The following SV2B variants were observed in gnomAD, a reference collection of about 807,000 sequenced individuals.
SV2B encodes solute carrier family 22 member B2.
Under a neutral mutation model 73.9 loss-of-function variants are expected in SV2B, and 41 were observed. That is an observed-to-expected ratio of 0.56 (90% confidence interval 0.43 to 0.72). The LOEUF (loss-of-function observed/expected upper bound fraction) is 0.72, where lower values mean the gene tolerates loss of function less well. SV2B is among the 30% of genes least tolerant of loss of function. SV2B has a pLI of 0.00. For missense variants in SV2B, 764 were observed against 857.8 expected, an observed-to-expected ratio of 0.89 and a Z score of 1.37; for synonymous variants, 314 against 314.2, an observed-to-expected ratio of 1.00 and a Z score of 0.01.
At chr15:91,103,512 A>G (rs577051898) in intron 1 of SV2B, among the ~76,000 whole-genome samples, 1 of 152,324 alleles carries the variant, frequency 6.6e-6, no homozygotes, top group South Asian at 2.1e-4. Context: ...CATTTACATA[A>G]TATCATATGG....
chr15:91,283,953 C>G lies in SV2B; in HGVS notation c.1508-68C>G, dbSNP rs1013078999. The G allele has an allele frequency of 2.0e-6, 3 of 1,537,798 alleles. No individual in the cohort carries two copies. In the African/African-American group the frequency reaches 4.1e-5, roughly 21 times the overall value. On this transcript the variant is annotated intron_variant, in intron 10 of 12. Transcript: ENST00000394232. The surrounding 1 kb of genome is among the most constrained non-coding windows in gnomAD (Gnocchi z 4.3). The stretch of plus-strand genomic sequence containing the variant: ...CTACAGGAGGGGGCAGACTTCATCC[C>G]TGCCTCTGCCTTTCTCTCTCCAGCT...
At chr15:91,103,588 G>A (rs2041798509) in intron 1 of SV2B, among the ~76,000 whole-genome samples, 1 of 152,108 alleles carries the variant, frequency 6.6e-6, no homozygotes, top group Admixed American at 6.5e-5. Flanking sequence ...TCTGCCCTTT[G>A]GAAACTTTAT....
rs2042815638 is a variant in SV2B at position 91,136,103 on chromosome 15, G to A, written c.-392+35740G>A. On this transcript the variant is annotated intron_variant, in intron 1 of 12. Coordinates refer to ENST00000394232, the MANE Select transcript of SV2B (RefSeq NM_001323032.3). The surrounding 1 kb of genome is among the most constrained non-coding windows in gnomAD (Gnocchi z 5.6). The stretch of plus-strand genomic sequence containing the variant: ...AACCATAACATTCTGAAAACTTTGT[G>A]TACTTTACCACCTTCACAAAGTACT... 6.6e-6 allele frequency among the ~76,000 whole-genome samples: 1 copy of A among 152,122 alleles called. No homozygotes were observed. The highest frequency in any genetic ancestry group is 1.5e-5 in the Non-Finnish European group (1 of 68,032).
At chr15:91,191,984 C>T (rs754352288) in intron 1 of SV2B, among the ~76,000 whole-genome samples, 2 of 152,022 alleles carry the variant, frequency 1.3e-5, no homozygotes, top group Non-Finnish European at 2.9e-5. Flanking sequence ...ATTTTTCTGG[C>T]GGTTACCCTT....
intron 1 of SV2B, among the ~76,000 whole-genome samples, chr15:91,119,317 A>G (rs934627773): frequency 6.6e-6 from 1 of 152,224 alleles, no homozygotes; most frequent in African/African-American, 2.4e-5. Context: ...TTGTCATTTG[A>G]GACGCGAGTA....
intron 1 of SV2B, among the ~76,000 whole-genome samples, chr15:91,158,725 T>TTCC (rs2043601672): frequency 6.0e-5 from 6 of 99,516 alleles, no homozygotes; most frequent in African/African-American, 2.0e-4. Context: ...TCTCCTCTCC[T>TTCC]CTCTTCTCCT....
At chr15:91,182,437 A>T (rs144402500) in intron 1 of SV2B, among the ~76,000 whole-genome samples, 3 of 152,222 alleles carry the variant, frequency 2.0e-5, no homozygotes, top group African/African-American at 7.2e-5. Context: ...CAAAATCTAG[A>T]TGTTCCTATT....
chr15:91,253,671 A>G lies in SV2B; in HGVS notation c.784+1151A>G, dbSNP rs572841441. The stretch of plus-strand genomic sequence containing the variant: ...CCATTGTGTCATTCTGTCATCTTCA[A>G]CCTACAGCTTACAAGGTCTCCGGTT... On this transcript the variant is annotated intron_variant, in intron 4 of 12. Coordinates refer to ENST00000394232, the MANE Select transcript of SV2B (RefSeq NM_001323032.3). This position sits in a 1 kb window ranked among gnomAD's most constrained non-coding sequence, Gnocchi z 5.0. Among the ~76,000 whole-genome samples the G allele has an allele frequency of 6.6e-5, 10 of 152,300 alleles. No individual in the cohort carries two copies. The highest frequency in any genetic ancestry group is 1.3e-4 in the Admixed American group (2 of 15,298).
intron 1 of SV2B, among the ~76,000 whole-genome samples, chr15:91,178,549 G>A (rs576407220): frequency 6.6e-6 from 1 of 152,176 alleles, no homozygotes; most frequent in East Asian, 1.9e-4. Flanking sequence ...GTAAGCTATT[G>A]ATTATTGCCA....
At chr15:91,116,156 C>T (rs2042172543) in intron 1 of SV2B, among the ~76,000 whole-genome samples, 1 of 152,054 alleles carries the variant, frequency 6.6e-6, no homozygotes, top group Admixed American at 6.5e-5. Context: ...AAGAACATGA[C>T]CTTGCATTCT....
At chr15:91,243,746 ACTT>A (rs1448463861) in intron 2 of SV2B, among the ~76,000 whole-genome samples, 3 of 152,110 alleles carry the variant, frequency 2.0e-5, no homozygotes, top group Admixed American at 6.5e-5. Context: ...TGGAGAGAGA[ACTT>A]CTTCCTGATT....
At position 91,267,805 on chromosome 15, in the gene SV2B, CTT is replaced by C. The variant is rs56033749; in HGVS notation, c.1208+177_1208+178del. Among the ~76,000 whole-genome samples the C allele has an allele frequency of 7.2e-3, 1,016 of 141,830 alleles. 4 individuals are homozygous for C. Among genetic ancestry groups the C allele is most frequent in the African/African-American group, 0.025 (952 of 38,228 alleles). 93.0% of individuals were successfully genotyped at this position (141,830 alleles called of 152,430 possible). A position where few individuals can be genotyped will look rare whatever the true frequency, so the allele number is the denominator to read the frequency against. ...TCTAGTGGCTTCTACAAAGAAGAAA[CTT>C]TTTTTTTTTTTTTTGAGACAGAGTC... On this transcript the variant is annotated intron_variant, in intron 8 of 12. Coordinates refer to ENST00000394232, the MANE Select transcript of SV2B (RefSeq NM_001323032.3). This position sits in a 1 kb window ranked among gnomAD's most constrained non-coding sequence, Gnocchi z 4.3.
intron 9 of SV2B, among the ~76,000 whole-genome samples, chr15:91,277,736 T>C (rs2048540149): frequency 1.3e-5 from 2 of 152,228 alleles, no homozygotes; most frequent in Admixed American, 1.3e-4. Context: ...TTTCCAGATT[T>C]TGGCATGGCT....
Position 91,240,122 on chromosome 15 carries a change from C to T in SV2B, c.452-11697C>T, listed in dbSNP as rs2046949570. The stretch of plus-strand genomic sequence containing the variant: ...TAGCAAGGAAGAAGAGGGAAAAGGG[C>T]TGTTGGGAACATGACCAACAGAGTC... On this transcript the variant is annotated intron_variant, in intron 2 of 12. Coordinates refer to ENST00000394232, the MANE Select transcript of SV2B (RefSeq NM_001323032.3). This position sits in a 1 kb window ranked among gnomAD's most constrained non-coding sequence, Gnocchi z 4.6. Among the ~76,000 whole-genome samples, 1 of 152,196 alleles carries T rather than the reference C, an allele frequency of 6.6e-6. No individual in the cohort carries two copies. The highest frequency in any genetic ancestry group is 1.5e-5 in the Non-Finnish European group (1 of 68,038).
intron 1 of SV2B, among the ~76,000 whole-genome samples, chr15:91,193,351 C>G (rs2045116807): frequency 6.6e-6 from 1 of 152,198 alleles, no homozygotes; most frequent in Non-Finnish European, 1.5e-5. Context: ...CAGCCTCTTA[C>G]TTCCAGTGAA....
intron 1 of SV2B, among the ~76,000 whole-genome samples, chr15:91,211,572 C>T (rs564385646): frequency 2.1e-4 from 31 of 150,176 alleles, no homozygotes; most frequent in Middle Eastern, 6.8e-3. Context: ...GGCGCAGTCT[C>T]GGCTCACTGC....
At chr15:91,222,851 A>G (rs1165840264) in intron 1 of SV2B, among the ~76,000 whole-genome samples, 1 of 152,192 alleles carries the variant, frequency 6.6e-6, no homozygotes, top group Non-Finnish European at 1.5e-5. Context: ...TAAAATGCTC[A>G]CCTTAGTACT....
At chr15:91,259,510 T>C (rs2047829683) in intron 5 of SV2B, among the ~76,000 whole-genome samples, 1 of 152,202 alleles carries the variant, frequency 6.6e-6, no homozygotes, top group African/African-American at 2.4e-5. Flanking sequence ...CTTGGTTGGA[T>C]ATGAGTGTCC....
Position 91,283,015 on chromosome 15 carries a change from C to T in SV2B, c.1508-1006C>T, listed in dbSNP as rs139892464. Among the ~76,000 whole-genome samples the T allele has an allele frequency of 7.9e-4, 121 of 152,282 alleles. 2 individuals carry two copies. The highest frequency in any genetic ancestry group is 2.5e-3 in the African/African-American group (105 of 41,550). On this transcript the variant is annotated intron_variant, in intron 10 of 12. Coordinates refer to ENST00000394232, the MANE Select transcript of SV2B (RefSeq NM_001323032.3). The surrounding 1 kb of genome is among the most constrained non-coding windows in gnomAD (Gnocchi z 4.3). ...GGAGATTCTTGCAAACACGTGTAGT[C>T]AGGAAATGTCAGAGCTGGGAGAAGC...
Sources: gnomAD v4.1 joint callset for allele counts (sites outside exome capture counted in the v4.1 genomes callset) on GRCh38, gnomAD v4.1.1 for gene constraint, Gnocchi (gnomAD v3.1) non-coding constraint, MANE v1.5 for transcripts, NCBI Gene and HGNC (gene_info 2026-07-23, HGNC 2026-07-21) for gene names.